The following DLGAP1 variants were observed in gnomAD, a reference collection of about 807,000 sequenced individuals.
DLGAP1 encodes the protein DLG associated protein 1.
Under a neutral mutation model 90.8 loss-of-function variants are expected in DLGAP1, and 11 were observed. That is an observed-to-expected ratio of 0.12 (90% CI 0.08 to 0.20). The LOEUF (loss-of-function observed/expected upper bound fraction) is 0.20, where lower values mean the gene tolerates loss of function less well. Among genes scored for constraint, DLGAP1 ranks in the 10% least tolerant of loss-of-function variants. The pLI is 1.00. For synonymous variants in DLGAP1, 558 were observed against 540.7 expected (o/e 1.03, Z -0.44); for missense variants, 1,050 against 1,333.8 (o/e 0.79, Z 3.31).
intron 2 of DLGAP1, among the ~76,000 whole-genome samples, chr18:4,032,645 G>A (rs2074814744): frequency 6.6e-6 from 1 of 152,142 alleles, no homozygotes; most frequent in Non-Finnish European, 1.5e-5. Flanking sequence ...TCCAGGGGTG[G>A]ATGATCATGT....
intron 7 of DLGAP1, among the ~76,000 whole-genome samples, chr18:3,627,539 G>A (rs180942560): frequency 6.6e-5 from 10 of 152,256 alleles, no homozygotes; most frequent in African/African-American, 2.2e-4. Flanking sequence ...TCTCTAATGG[G>A]TGGGCGTATC....
chr18:4,073,560 A>G (rs2075481681), intron 2 of DLGAP1, among the ~76,000 whole-genome samples: 1 of 152,206 alleles, frequency 6.6e-6, no homozygotes. Context: ...CATATCTAAG[A>G]GTTCTGATAA....
intron 1 of DLGAP1, among the ~76,000 whole-genome samples, chr18:4,402,276 C>G (rs2144536230): frequency 1.3e-5 from 2 of 152,278 alleles, no homozygotes; most frequent in Non-Finnish European, 2.9e-5. Context: ...CATAGTTAAA[C>G]TCACATCTAT....
At chr18:4,092,673 A>G (rs1207400799) in intron 2 of DLGAP1, among the ~76,000 whole-genome samples, 1 of 151,952 alleles carries the variant, frequency 6.6e-6, no homozygotes, top group Non-Finnish European at 1.5e-5. Flanking sequence ...CTTTTGTTCC[A>G]TAACAGGGGC....
chr18:4,078,570 T>A (rs182817472), intron 2 of DLGAP1, among the ~76,000 whole-genome samples: 128 of 152,290 alleles, frequency 8.4e-4, no homozygotes, highest in African/African-American at 3.0e-3. Context: ...CAAAATTAAA[T>A]CCTCAAAACC....
At chr18:4,247,986 A>T (rs568628071) in intron 1 of DLGAP1, among the ~76,000 whole-genome samples, 1 of 152,154 alleles carries the variant, frequency 6.6e-6, no homozygotes, top group Non-Finnish European at 1.5e-5. Flanking sequence ...TATGCCAGTG[A>T]CAAAGCAAAA....
intron 1 of DLGAP1, among the ~76,000 whole-genome samples, chr18:4,188,255 C>T (rs2077334222): frequency 6.6e-6 from 1 of 152,022 alleles, no homozygotes. Flanking sequence ...GTTCTAGAAT[C>T]CACTCATTTA....
At chr18:3,664,538 C>T (rs559322542) in intron 7 of DLGAP1, among the ~76,000 whole-genome samples, 74 of 152,226 alleles carry the variant, frequency 4.9e-4, no homozygotes, top group African/African-American at 1.8e-3. Flanking sequence ...TTAGCACGTG[C>T]CATCCCTCAC....
At chr18:3,605,544 T>C (rs2057289599) in intron 7 of DLGAP1, among the ~76,000 whole-genome samples, 1 of 152,252 alleles carries the variant, frequency 6.6e-6, no homozygotes, top group Non-Finnish European at 1.5e-5. Context: ...AAGCTTTAGT[T>C]TCCTTTAACA....
At chr18:3,578,311 T>C (rs1484110830) in intron 8 of DLGAP1, among the ~76,000 whole-genome samples, 1 of 152,156 alleles carries the variant, frequency 6.6e-6, no homozygotes, top group Non-Finnish European at 1.5e-5. Context: ...AACTTGCATT[T>C]AAATTTGATT....
intron 1 of DLGAP1, among the ~76,000 whole-genome samples, chr18:4,286,534 G>T (rs2079697320): frequency 6.6e-6 from 1 of 152,100 alleles, no homozygotes; most frequent in South Asian, 2.1e-4. Flanking sequence ...AGCAGAAGGA[G>T]TACAGCAGCC....
chr18:3,968,486 A>C (rs72864934), intron 3 of DLGAP1, among the ~76,000 whole-genome samples: 3,403 of 152,310 alleles, frequency 0.022, 44 homozygotes, highest in Middle Eastern at 0.13. Context: ...AAAAACTTGA[A>C]AACACAGAAA....
chr18:3,938,958 T>C (rs2072704192), intron 3 of DLGAP1, among the ~76,000 whole-genome samples: 1 of 152,192 alleles, frequency 6.6e-6, no homozygotes, highest in South Asian at 2.1e-4. Context: ...CCCAGTTCTA[T>C]GTATACACTA....
At chr18:3,645,978 G>A (rs748600971) in intron 7 of DLGAP1, among the ~76,000 whole-genome samples, 20 of 152,242 alleles carry the variant, frequency 1.3e-4, no homozygotes, top group East Asian at 3.9e-4. Flanking sequence ...TTACATCATC[G>A]TGCCTTACAA....
At chr18:4,346,886 G>A (rs535364497) in intron 1 of DLGAP1, among the ~76,000 whole-genome samples, 3 of 152,118 alleles carry the variant, frequency 2.0e-5, no homozygotes, top group African/African-American at 7.2e-5. Context: ...CAGAGAATCA[G>A]AAAACAGTAA....
intron 3 of DLGAP1, among the ~76,000 whole-genome samples, chr18:3,970,575 A>G (rs955123588): frequency 1.3e-5 from 2 of 152,208 alleles, no homozygotes. Context: ...CTCATCAAGA[A>G]GTACATCTTC....
intron 4 of DLGAP1, among the ~76,000 whole-genome samples, chr18:3,864,368 G>A (rs2070263303): frequency 6.6e-6 from 1 of 152,156 alleles, no homozygotes; most frequent in Admixed American, 6.5e-5. Flanking sequence ...TTCCTTAGAA[G>A]TCCCTGTTAA....
chr18:3,864,961 C>T (rs770425507), intron 4 of DLGAP1, among the ~76,000 whole-genome samples: 1 of 151,916 alleles, frequency 6.6e-6, no homozygotes, highest in Non-Finnish European at 1.5e-5. Flanking sequence ...GGTAAATCTC[C>T]CAAACACTTA....
Position 4,250,422 on chromosome 18 carries a change from C to G in DLGAP1, c.-266-99135G>C, listed in dbSNP as rs567555997. ...CATCAGCTGCTGTGTCACACTGTTC[C>G]TCTGTACCTGAGAAAGTCCTGATGC... On this transcript the variant is annotated intron_variant, in intron 1 of 12. Coordinates refer to ENST00000315677, the MANE Select transcript of DLGAP1 (RefSeq NM_004746.4). Among the ~76,000 whole-genome samples, 3 of 152,296 alleles carry G rather than the reference C, an allele frequency of 2.0e-5. No individual in the cohort carries two copies. In the East Asian group the frequency reaches 5.8e-4, roughly 29 times the overall value.
Sources: gnomAD v4.1 joint callset for allele counts (sites outside exome capture counted in the v4.1 genomes callset) on GRCh38, gnomAD v4.1.1 for gene constraint, MANE v1.5 for transcripts, NCBI Gene and HGNC (gene_info 2026-07-23, HGNC 2026-07-21) for gene names.